The following PHLDB2 variants were observed in gnomAD, a reference collection of about 807,000 sequenced individuals.
PHLDB2 encodes pleckstrin homology-like domain family B member 2.
In PHLDB2, 71 loss-of-function variants were observed where a neutral mutation model predicts 123.6. That is an observed-to-expected ratio of 0.57 (90% CI 0.47 to 0.70). The LOEUF is 0.70. Ranked by LOEUF, PHLDB2 falls within the 30% of genes least tolerant of loss-of-function variation. The pLI is 0.00. For synonymous variants in PHLDB2, 547 were observed against 541.6 expected, an observed-to-expected ratio of 1.01 and a Z score of -0.14; for missense variants, 1,446 against 1,519.5, an observed-to-expected ratio of 0.95 and a Z score of 0.80.
chr3:111,756,647 C>CA (rs1264457123), intron 1 of PHLDB2, among the ~76,000 whole-genome samples: 1 of 152,062 alleles, frequency 6.6e-6, no homozygotes, highest in Non-Finnish European at 1.5e-5. Context: ...AGTCCATTTA[C>CA]ATTTAAAGTT....
intron 1 of PHLDB2, among the ~76,000 whole-genome samples, chr3:111,792,595 T>C (rs897416341): frequency 1.3e-5 from 2 of 152,092 alleles, no homozygotes; most frequent in Admixed American, 1.3e-4. Context: ...TGTTCCTAAC[T>C]ACTCAGGAGG....
chr3:111,747,740 C>G (rs1353233294), intron 1 of PHLDB2, among the ~76,000 whole-genome samples: 3 of 152,230 alleles, frequency 2.0e-5, no homozygotes, highest in Non-Finnish European at 4.4e-5. Context: ...CAGTGTTTAG[C>G]AGTCTGACTC....
At chr3:111,882,764 G>A (rs556628588) in intron 1 of PHLDB2, among the ~76,000 whole-genome samples, 1 of 152,286 alleles carries the variant, frequency 6.6e-6, no homozygotes, top group Non-Finnish European at 1.5e-5. Context: ...TGCTCACAAA[G>A]TGTGTGAAGC....
chr3:111,851,085 C>T (rs1043420104), intron 2 of PHLDB2, among the ~76,000 whole-genome samples: 2 of 150,058 alleles, frequency 1.3e-5, no homozygotes, highest in Non-Finnish European at 3.0e-5. Flanking sequence ...GTCCCAGCTA[C>T]TCGGGAGGCT....
chr3:111,949,132 C>T, intron 10 of PHLDB2, 57 bp downstream of exon 10: 3 of 1,585,032 alleles, frequency 1.9e-6, no homozygotes, highest in Non-Finnish European at 2.6e-6. Flanking sequence ...AGAAATTAAC[C>T]CACGGCCAAC....
intron 1 of PHLDB2, among the ~76,000 whole-genome samples, chr3:111,827,146 C>G (rs1437599196): frequency 2.6e-5 from 4 of 152,206 alleles, no homozygotes; most frequent in Non-Finnish European, 4.4e-5. Flanking sequence ...TTAGGCTTGT[C>G]CTGTTCAAAT....
At chr3:111,830,474 TTTG>T (rs1475749363) in intron 1 of PHLDB2, among the ~76,000 whole-genome samples, 1 of 149,090 alleles carries the variant, frequency 6.7e-6, no homozygotes, top group African/African-American at 2.5e-5. Flanking sequence ...GTATAAATCT[TTTG>T]TTCTGAAATA....
At chr3:111,895,169 T>C (rs959255292) in intron 2 of PHLDB2, among the ~76,000 whole-genome samples, 2 of 152,132 alleles carry the variant, frequency 1.3e-5, no homozygotes, top group African/African-American at 4.8e-5. Context: ...TGACTTCACA[T>C]TGGGGAAACA....
chr3:111,778,137 A>G (rs2060299793), intron 1 of PHLDB2: 1 of 151,994 alleles, frequency 6.6e-6, no homozygotes, highest in African/African-American at 2.4e-5. Context: ...CCCCAAATTC[A>G]TGTGTAGAGT....
chr3:111,822,317 G>GTGTGTGTGTGTA (rs1553734228), intron 1 of PHLDB2, among the ~76,000 whole-genome samples: 47 of 147,916 alleles, frequency 3.2e-4, no homozygotes, highest in Middle Eastern at 3.4e-3. Context: ...GTGTGTGTGT[G>GTGTGTGTGTGTA]TATATATATA....
In PHLDB2 at chr3:111,913,529, G is replaced by C. The variant is rs2107505322; in HGVS notation, c.1546G>C (p.Asp516His). ...YRCHRKDSLP[D>H]ADLASCGSLS... Reference sequence around the variant, plus strand: ...GTGCCACCGGAAAGACTCCCTCCCTGATGCAGACTTGGCAAGCTGTGGGAG... The same window carrying C: ...GTGCCACCGGAAAGACTCCCTCCCTCATGCAGACTTGGCAAGCTGTGGGAG... Residue 516 changes from aspartate (D) to histidine (H), a missense_variant, in exon 3 of 18, where the codon GAT (aspartate) becomes CAT (histidine). Asp to His is a moderately conservative substitution (Grantham distance 81, BLOSUM62 -1). Around this residue, in one of 3 missense-constraint regions of PHLDB2, gnomAD observed 832 missense variants for 831.9 expected, o/e 1.00. Transcript: ENST00000431670. The C allele has an allele frequency of 6.2e-7, 1 of 1,614,142 alleles. No homozygotes were observed. Among genetic ancestry groups the C allele is most frequent in the Middle Eastern group, 1.6e-4 (1 of 6,062 alleles).
intron 10 of PHLDB2, chr3:111,950,014 T>A (rs980077894): frequency 1.6e-5 from 8 of 504,310 alleles, no homozygotes; most frequent in Non-Finnish European, 2.0e-5. Context: ...ACTTCTCTGA[T>A]TTTTTTTTTC....
At chr3:111,918,974 G>T in intron 3 of PHLDB2, 98 bp from the exon 4 acceptor site, 1 of 1,266,538 alleles carries the variant, frequency 7.9e-7, no homozygotes, top group South Asian at 1.3e-5. Context: ...TGGGCATGGA[G>T]ACTGTGAGAC....
chr3:111,863,025 C>G (rs992188385), intron 1 of PHLDB2, among the ~76,000 whole-genome samples: 1 of 152,102 alleles, frequency 6.6e-6, no homozygotes. Context: ...ACACACTGGA[C>G]CTGACCTTGT....
chr3:111,859,736 C>G (rs997152564), intron 1 of PHLDB2, 160 bp downstream of exon 1: 120 of 984,860 alleles, frequency 1.2e-4, no homozygotes, highest in Non-Finnish European at 1.4e-4. Flanking sequence ...CTGCCCGGGC[C>G]GAGGAGGGGC....
chr3:111,909,574 G>A (rs1362502170), intron 2 of PHLDB2, among the ~76,000 whole-genome samples: 1 of 151,936 alleles, frequency 6.6e-6, no homozygotes, highest in Non-Finnish European at 1.5e-5. Flanking sequence ...CTCCAGCCTG[G>A]GTGACATTGA....
chr3:111,897,529 T>C (rs2107420146), intron 2 of PHLDB2, among the ~76,000 whole-genome samples: 1 of 152,344 alleles, frequency 6.6e-6, no homozygotes, highest in East Asian at 1.9e-4. Context: ...TGACTGCAGG[T>C]TGAAAATTTT....
chr3:111,774,464 C>T (rs1209366220), intron 1 of PHLDB2, among the ~76,000 whole-genome samples: 7 of 152,122 alleles, frequency 4.6e-5, no homozygotes, highest in Admixed American at 2.6e-4. Context: ...ATGCGAGCCC[C>T]GAGTGGCTTG....
intron 1 of PHLDB2, among the ~76,000 whole-genome samples, chr3:111,757,858 G>A (rs1012619792): frequency 3.9e-5 from 6 of 152,160 alleles, no homozygotes; most frequent in Non-Finnish European, 5.9e-5. Flanking sequence ...GAGTTTGCTA[G>A]AAGTCCACTC....
Sources: gnomAD v4.1 joint callset for allele counts (sites outside exome capture counted in the v4.1 genomes callset) on GRCh38, gnomAD v4.1.1 for gene constraint, gnomAD v4.1.1 regional missense constraint, MANE v1.5 for transcripts, NCBI Gene and HGNC (gene_info 2026-07-23, HGNC 2026-07-21) for gene names.